The following USP28 variants were observed in gnomAD, a reference collection of about 807,000 sequenced individuals.
USP28 encodes the protein ubiquitin specific peptidase 28, also known as ubiquitin carboxyl-terminal hydrolase 28.
A neutral mutation model predicts 145.0 loss-of-function variants in USP28; 113 were observed. The observed-to-expected ratio is 0.78, with a 90% CI of 0.67 to 0.91. USP28 has a LOEUF of 0.91. Among genes scored for constraint, USP28 ranks in the 40% least tolerant of loss-of-function variants. USP28 has a pLI of 0.00. For missense variants in USP28, 1,201 were observed against 1,289.6 expected (o/e 0.93, Z 1.05); for synonymous variants, 447 against 450.9 (o/e 0.99, Z 0.11).
intron 11 of USP28, among the ~76,000 whole-genome samples, chr11:113,824,035 A>T (rs1053784214): frequency 6.6e-6 from 1 of 152,210 alleles, no homozygotes; most frequent in Non-Finnish European, 1.5e-5. Context: ...AATCTTAAGG[A>T]ACCTAAAAAA....
chr11:113,833,543 G>C (rs1179828746), exon 7 of USP28: 1 of 1,613,404 alleles, frequency 6.2e-7, no homozygotes, highest in Non-Finnish European at 8.5e-7. Flanking sequence ...GCATAAACAT[G>C]ATATTTCTCT....
chr11:113,828,717 C>T (rs1456801631), intron 10 of USP28: 4 of 308,714 alleles, frequency 1.3e-5, no homozygotes, highest in African/African-American at 2.2e-5. Flanking sequence ...TCTTTCCAAC[C>T]CAGAAAAAAA....
Position 113,833,532 on chromosome 11 carries a change from T to C in USP28, c.647A>G (p.Gln216Arg), listed in dbSNP as rs772332376. The change falls in exon 7 of 25, where the codon CAA becomes CGA. Residue 216 changes from glutamine to arginine, a missense_variant. By Grantham distance (43) the Gln-to-Arg change is conservative (BLOSUM62 1). Coordinates refer to ENST00000003302, the Ensembl canonical transcript of USP28. ...TAGAGCAAACAAATACTGAAGCTCT[T>C]GCATAAACATGATATTTCTCTTTTC... 2 of 1,613,988 alleles carry C rather than the reference T, an allele frequency of 1.2e-6. No homozygotes were observed. Among genetic ancestry groups the C allele is most frequent in the Middle Eastern group, 1.6e-4 (1 of 6,062 alleles).
intron 1 of USP28, chr11:113,874,886 C>T (rs4288784): frequency 6.0e-6 from 6 of 1,000,170 alleles, no homozygotes; most frequent in Non-Finnish European, 3.6e-6. Context: ...AAATCTAGAG[C>T]GATGAAGGCA....
chr11:113,801,003 T>C (rs1333591537), intron 24 of USP28, among the ~76,000 whole-genome samples: 1 of 151,994 alleles, frequency 6.6e-6, no homozygotes, highest in East Asian at 1.9e-4. Flanking sequence ...TGACCACACC[T>C]AGCTAATTTT....
In USP28 at chr11:113,837,050, C is replaced by G. The variant is rs373021623; in HGVS notation, c.535-2715G>C. Among the ~76,000 whole-genome samples, 160 of 152,322 alleles carry G rather than the reference C, an allele frequency of 1.1e-3. 7 individuals carry two copies. The South Asian group carries it at 0.031, about 30-fold the overall frequency. On this transcript the variant is annotated intron_variant, in intron 5 of 24. Transcript: ENST00000003302. The stretch of plus-strand genomic sequence containing the variant: ...CACCACAGTGAGGCTCATCCAACAC[C>G]ACAGTTAATACTGCAACCTGTTCCC...
chr11:113,869,093 C>A (rs1948569878), intron 1 of USP28, among the ~76,000 whole-genome samples: 1 of 151,918 alleles, frequency 6.6e-6, no homozygotes, highest in Non-Finnish European at 1.5e-5. Flanking sequence ...AAGTTTGAGA[C>A]CAGCCTGGGC....
At chr11:113,809,010 G>T in intron 17 of USP28, 53 bp downstream of exon 17, 2 of 1,568,216 alleles carry the variant, frequency 1.3e-6, no homozygotes, top group Non-Finnish European at 1.7e-6. Context: ...CTGGCTAGGG[G>T]AGTACAGCAT....
chr11:113,867,226 C>T (rs1365565857), intron 1 of USP28, among the ~76,000 whole-genome samples: 4 of 151,638 alleles, frequency 2.6e-5, no homozygotes, highest in African/African-American at 9.7e-5. Context: ...GGTGATTGCA[C>T]AATATTGTGA....
chr11:113,816,550 C>A (rs1185094620), intron 13 of USP28, among the ~76,000 whole-genome samples: 2 of 151,866 alleles, frequency 1.3e-5, no homozygotes, highest in African/African-American at 4.8e-5. Context: ...AAACCTCACT[C>A]CCTCCTCCTC....
At chr11:113,863,353 G>T (rs946855797) in intron 1 of USP28, among the ~76,000 whole-genome samples, 1 of 151,426 alleles carries the variant, frequency 6.6e-6, no homozygotes, top group African/African-American at 2.4e-5. Context: ...GGCGCAGTGG[G>T]TCACTGCTGA....
intron 10 of USP28, among the ~76,000 whole-genome samples, chr11:113,828,554 T>C (rs146646273): frequency 2.1e-4 from 32 of 152,302 alleles, no homozygotes; most frequent in African/African-American, 6.7e-4. Context: ...GTTGGAATCA[T>C]ATATAAGCCA....
At chr11:113,860,671 T>C (rs1947574227) in intron 1 of USP28, among the ~76,000 whole-genome samples, 1 of 151,430 alleles carries the variant, frequency 6.6e-6, no homozygotes, top group East Asian at 1.9e-4. Flanking sequence ...ATACAAAAAT[T>C]TGCCAGGCAT....
exon 19 of USP28, chr11:113,806,499 C>T (rs763383131): frequency 3.1e-6 from 5 of 1,612,208 alleles, no homozygotes; most frequent in Non-Finnish European, 4.2e-6. Flanking sequence ...CTTAATCAGC[C>T]CTGCTTCAGA....
At chr11:113,847,621 T>C (rs1946015788) in intron 3 of USP28, among the ~76,000 whole-genome samples, 1 of 152,176 alleles carries the variant, frequency 6.6e-6, no homozygotes, top group African/African-American at 2.4e-5. Context: ...GATTAAGGGA[T>C]TACTGATGAT....
intron 16 of USP28, among the ~76,000 whole-genome samples, chr11:113,810,280 T>C (rs1940764739): frequency 6.6e-6 from 1 of 152,200 alleles, no homozygotes; most frequent in Non-Finnish European, 1.5e-5. Context: ...AGCAATTTGA[T>C]ACAATGGTGA....
At chr11:113,809,252 C>A in exon 17 of USP28, 1 of 1,612,550 alleles carries the variant, frequency 6.2e-7, no homozygotes, top group Non-Finnish European at 8.5e-7. Flanking sequence ...GTTGGGGCTG[C>A]CTCTGAGGAA....
intron 18 of USP28, chr11:113,808,129 T>C (rs1369133372): frequency 6.6e-7 from 1 of 1,511,262 alleles, no homozygotes; most frequent in Admixed American, 2.1e-5. Context: ...GGGTTCAGCT[T>C]CTTTAAGCTG....
At chr11:113,863,969 T>C (rs1293124159) in intron 1 of USP28, among the ~76,000 whole-genome samples, 2 of 146,074 alleles carry the variant, frequency 1.4e-5, no homozygotes, top group Non-Finnish European at 3.0e-5. Flanking sequence ...CTGGTCACGG[T>C]GGCTCACGCC....
Sources: gnomAD v4.1 joint callset for allele counts (sites outside exome capture counted in the v4.1 genomes callset) on GRCh38, gnomAD v4.1.1 for gene constraint, MANE v1.5 for transcripts, NCBI Gene and HGNC (gene_info 2026-07-23, HGNC 2026-07-21) for gene names.